PRKD1: variants seen among roughly 807,000 people sequenced by gnomAD.
PRKD1 encodes the protein serine/threonine-protein kinase D1.
A neutral mutation model predicts 95.9 loss-of-function variants in PRKD1; 63 were observed. That is an observed-to-expected ratio of 0.66 (90% CI 0.54 to 0.81). The LOEUF (loss-of-function observed/expected upper bound fraction) is 0.81. Ranked by LOEUF, PRKD1 falls within the 30% of genes least tolerant of loss-of-function variation. The pLI is 0.00. For missense variants in PRKD1, 1,048 were observed against 1,165.3 expected, an observed-to-expected ratio of 0.90 and a Z score of 1.47; for synonymous variants, 425 against 423.1, an observed-to-expected ratio of 1.00 and a Z score of -0.05.
intron 13 of PRKD1, among the ~76,000 whole-genome samples, chr14:29,610,719 A>G (rs1382937019): frequency 2.0e-5 from 3 of 152,236 alleles, no homozygotes; most frequent in Non-Finnish European, 1.5e-5. Context: ...AGATACTTAT[A>G]ACAGCTTTAT....
At chr14:29,737,656 A>G (rs934846083) in intron 1 of PRKD1, among the ~76,000 whole-genome samples, 2 of 152,162 alleles carry the variant, frequency 1.3e-5, no homozygotes, top group Admixed American at 1.3e-4. Context: ...ACATCGTGTG[A>G]TCAAGTGTTC....
At chr14:29,685,691 TTA>T (rs1162037415) in intron 2 of PRKD1, among the ~76,000 whole-genome samples, 1 of 152,038 alleles carries the variant, frequency 6.6e-6, no homozygotes, top group African/African-American at 2.4e-5. Flanking sequence ...AGATGAGCAA[TTA>T]TAACTCAAAG....
chr14:29,820,824 A>G (rs1457994749), intron 1 of PRKD1, among the ~76,000 whole-genome samples: 2 of 152,248 alleles, frequency 1.3e-5, no homozygotes, highest in Non-Finnish European at 2.9e-5. Flanking sequence ...TGTAATTGCC[A>G]TAGTCTTCAA....
intron 13 of PRKD1, 48 bp downstream of exon 13, chr14:29,624,104 G>A: frequency 7.4e-7 from 1 of 1,348,624 alleles, no homozygotes; most frequent in Non-Finnish European, 1.0e-6. Flanking sequence ...AGAAGTAAAG[G>A]ATGAGGGATT....
intron 1 of PRKD1, among the ~76,000 whole-genome samples, chr14:29,796,888 C>G (rs1889841523): frequency 6.6e-6 from 1 of 152,128 alleles, no homozygotes; most frequent in African/African-American, 2.4e-5. Context: ...GGCACAGAAG[C>G]TAGAAGGGCA....
intron 4 of PRKD1, among the ~76,000 whole-genome samples, chr14:29,650,072 C>T (rs1173112924): frequency 6.6e-6 from 1 of 152,120 alleles, no homozygotes; most frequent in Non-Finnish European, 1.5e-5. Flanking sequence ...TTCCAGTTTC[C>T]TAGTTGGGGT....
intron 1 of PRKD1, among the ~76,000 whole-genome samples, chr14:29,900,185 A>G (rs1288640107): frequency 2.6e-5 from 4 of 152,242 alleles, no homozygotes; most frequent in African/African-American, 7.2e-5. Flanking sequence ...ACTGACTCCC[A>G]TAACAATCCT....
chr14:29,577,158 G>T lies in PRKD1; in HGVS notation c.*80C>A. 1 of 1,419,460 alleles carries T rather than the reference G, an allele frequency of 7.0e-7. No homozygotes were observed. Among genetic ancestry groups the T allele is most frequent in the Non-Finnish European group, 9.8e-7 (1 of 1,016,492 alleles). The allele number at this position is 1,419,460 out of a possible 1,614,324, so 87.9% of individuals were successfully genotyped here. On this transcript the variant is annotated 3_prime_UTR_variant, in exon 18 of 18. Transcript: ENST00000331968. ...TCTCATCTGACAGAAAATAATGGCA[G>T]TTCTGCAAGGCAAATGTTAAACCTG...
intron 1 of PRKD1, among the ~76,000 whole-genome samples, chr14:29,779,354 T>A (rs1440456051): frequency 2.0e-5 from 3 of 152,168 alleles, no homozygotes; most frequent in Non-Finnish European, 4.4e-5. Flanking sequence ...ATTGTCCCTG[T>A]TTTCAGATGA....
intron 13 of PRKD1, among the ~76,000 whole-genome samples, chr14:29,600,091 G>A (rs1056447594): frequency 3.3e-5 from 5 of 152,098 alleles, no homozygotes; most frequent in Non-Finnish European, 5.9e-5. Context: ...GTTTTAATTA[G>A]AATACCATAT....
At chr14:29,628,321 T>C (rs907248290) in intron 11 of PRKD1, among the ~76,000 whole-genome samples, 4 of 152,292 alleles carry the variant, frequency 2.6e-5, no homozygotes, top group East Asian at 3.9e-4. Flanking sequence ...CTTTTGGCCA[T>C]AGATACAGCA....
intron 13 of PRKD1, among the ~76,000 whole-genome samples, chr14:29,617,634 C>T (rs1055141383): frequency 6.6e-6 from 1 of 152,068 alleles, no homozygotes; most frequent in African/African-American, 2.4e-5. Context: ...TATATGTACA[C>T]ATATTTTTCT....
At chr14:29,623,382 T>C (rs1879404562) in intron 13 of PRKD1, among the ~76,000 whole-genome samples, 2 of 152,314 alleles carry the variant, frequency 1.3e-5, no homozygotes, top group African/African-American at 4.8e-5. Context: ...AATGAAATGT[T>C]CCGTTTTGCG....
At chr14:29,704,706 G>A (rs756371937) in intron 2 of PRKD1, among the ~76,000 whole-genome samples, 1 of 151,988 alleles carries the variant, frequency 6.6e-6, no homozygotes, top group Non-Finnish European at 1.5e-5. Context: ...TTTTGTTTGA[G>A]ACCCCAAACT....
At position 29,831,279 on chromosome 14, in the gene PRKD1, T is replaced by G. The variant is rs146361878; in HGVS notation, c.264+95970A>C. On this transcript the variant is annotated intron_variant, in intron 1 of 17. Transcript: ENST00000331968. The stretch of plus-strand genomic sequence containing the variant: ...CCTAAAGCTACACAGCTACAAAAGC[T>G]TATAAGATTTTCAAGTTTGGAAGAA... 5.3e-4 allele frequency among the ~76,000 whole-genome samples: 81 copies of G among 152,128 alleles called. No individual in the cohort carries two copies. The East Asian group carries it at 0.014, about 26-fold the overall frequency.
chr14:29,921,558 T>C (rs531232778), intron 1 of PRKD1, among the ~76,000 whole-genome samples: 20 of 152,304 alleles, frequency 1.3e-4, no homozygotes, highest in African/African-American at 4.6e-4. Flanking sequence ...AAGTCACAAA[T>C]ATACATTCAT....
chr14:29,722,026 G>GA (rs35662119), intron 2 of PRKD1, among the ~76,000 whole-genome samples: 23,147 of 146,610 alleles, frequency 0.16, 1,930 homozygotes, highest in South Asian at 0.22. Context: ...TATAAGCAAA[G>GA]AAAAAAAAAA....
At chr14:29,793,435 G>T (rs1416865779) in intron 1 of PRKD1, among the ~76,000 whole-genome samples, 3 of 152,052 alleles carry the variant, frequency 2.0e-5, no homozygotes, top group Admixed American at 6.6e-5. Flanking sequence ...AGCCACTAAC[G>T]AGAATTGATT....
chr14:29,823,105 G>A lies in PRKD1; in HGVS notation c.265-97431C>T, dbSNP rs1890979673. Among the ~76,000 whole-genome samples, 3 of 152,106 alleles carry A rather than the reference G, an allele frequency of 2.0e-5. No homozygotes were observed. The South Asian group carries it at 6.2e-4, about 32-fold the overall frequency. ...TTTGATTTTGCTTGGACTCCACCTGGAAATAACTGAATATACTATGTGTGA... is the reference window on the plus strand; with the variant it reads ...TTTGATTTTGCTTGGACTCCACCTGAAAATAACTGAATATACTATGTGTGA... On this transcript the variant is annotated intron_variant, in intron 1 of 17. Transcript: ENST00000331968.
Sources: gnomAD v4.1 joint callset for allele counts (sites outside exome capture counted in the v4.1 genomes callset) on GRCh38, gnomAD v4.1.1 for gene constraint, MANE v1.5 for transcripts, NCBI Gene and HGNC (gene_info 2026-07-23, HGNC 2026-07-21) for gene names.